Variants in ZSCAN23 observed in about 807,000 individuals in gnomAD.
ZSCAN23 encodes zinc finger and SCAN domain containing 23.
Under a neutral mutation model 19.3 loss-of-function variants are expected in ZSCAN23, and 19 were observed. The ratio of observed to expected loss-of-function variants is 0.99; its 90% CI spans 0.69 to 1.45. The LOEUF (loss-of-function observed/expected upper bound fraction) is 1.45, where lower values mean the gene tolerates loss of function less well. Among genes scored for constraint, ZSCAN23 ranks in the 40% most tolerant of loss-of-function variants. The probability of loss-of-function intolerance (pLI) is 0.00; values close to 1 mark genes in which losing one functional copy is unlikely to be tolerated. For synonymous variants in ZSCAN23, 140 were observed against 166.2 expected (o/e 0.84, Z 1.21); for missense variants, 372 against 462.5 (o/e 0.80, Z 1.79).
chr6:28,430,215 C>T (rs1389927424), downstream of ZSCAN23, among the ~76,000 whole-genome samples: 2 of 152,166 alleles, frequency 1.3e-5, no homozygotes, highest in Non-Finnish European at 2.9e-5. Flanking sequence ...TTCCCTCTAT[C>T]CTCAGGGAGA....
chr6:28,423,477 G>A, the ZSCAN23 span, among the ~76,000 whole-genome samples: 1 of 152,064 alleles, frequency 6.6e-6, no homozygotes, highest in Non-Finnish European at 1.5e-5. Flanking sequence ...CTATACCCAG[G>A]CCTGGAGTTC....
chr6:28,441,047 G>A (rs1761989041), intron 1 of ZSCAN23, among the ~76,000 whole-genome samples: 1 of 152,132 alleles, frequency 6.6e-6, no homozygotes, highest in Non-Finnish European at 1.5e-5. Context: ...AGCATAATAA[G>A]TCTTACCTTA....
intron 1 of ZSCAN23, among the ~76,000 whole-genome samples, chr6:28,438,391 C>T (rs1038990523): frequency 6.6e-6 from 1 of 152,162 alleles, no homozygotes. Context: ...GCCACCGCGC[C>T]CAGCAACCCT....
the ZSCAN23 span, among the ~76,000 whole-genome samples, chr6:28,426,741 C>A: frequency 1.3e-5 from 2 of 152,180 alleles, no homozygotes; most frequent in Non-Finnish European, 2.9e-5. Context: ...AAGCAAAGTG[C>A]AAGTAAAATG....
chr6:28,429,155 T>A (rs1372298359), downstream of ZSCAN23, among the ~76,000 whole-genome samples: 1 of 152,184 alleles, frequency 6.6e-6, no homozygotes, highest in Admixed American at 6.5e-5. Context: ...AGGGAAGTTA[T>A]CTTTAACGTT....
chr6:28,440,009 G>A (rs916487351), intron 1 of ZSCAN23, among the ~76,000 whole-genome samples: 3 of 152,174 alleles, frequency 2.0e-5, no homozygotes, highest in Non-Finnish European at 4.4e-5. Flanking sequence ...GAGAGAGTAA[G>A]GGGAAAGAAA....
At chr6:28,439,385 C>A (rs1201172521) in intron 1 of ZSCAN23, among the ~76,000 whole-genome samples, 1 of 152,146 alleles carries the variant, frequency 6.6e-6, no homozygotes, top group Non-Finnish European at 1.5e-5. Context: ...CCACGCCCAG[C>A]CTTCCTCCAC....
chr6:28,427,845 T>C (rs111262507), downstream of ZSCAN23, among the ~76,000 whole-genome samples: 605 of 152,286 alleles, frequency 4.0e-3, 4 homozygotes, highest in African/African-American at 0.013. Context: ...TTTGGGAGGC[T>C]GAGGCGGGTG....
At chr6:28,435,673 G>A (rs2114034368) in intron 2 of ZSCAN23, 66 bp from the exon 3 acceptor site, 1 of 1,487,188 alleles carries the variant, frequency 6.7e-7, no homozygotes, top group Non-Finnish European at 8.9e-7. Context: ...GGCCTCCTCA[G>A]GGCCGCTGGA....
chr6:28,435,574 CA>C lies in ZSCAN23; in HGVS notation c.441del (p.Phe147LeufsTer2). 6.4e-7 allele frequency: 1 copy of C among 1,551,690 alleles called. No homozygotes were observed. The highest frequency in any genetic ancestry group is 8.7e-7 in the Non-Finnish European group (1 of 1,147,000). ...GCTCCTGGAGTTGCCTTCTCCTTTA[CA>C]AACTCTTCCTGTTCATGAGCATGGC... is the stretch of plus-strand genomic sequence containing the variant. ...VLSHAHEQEE[F>X]VKEKATPGAA... On this transcript the variant is annotated frameshift_variant, in exon 3 of 4. Transcript: ENST00000289788. LOFTEE classifies it high-confidence loss of function.
intron 1 of ZSCAN23, among the ~76,000 whole-genome samples, chr6:28,439,325 G>C (rs1761957386): frequency 6.6e-6 from 1 of 152,008 alleles, no homozygotes; most frequent in Admixed American, 6.6e-5. Flanking sequence ...CTGACCTCGT[G>C]ATCTGCCTGC....
rs180933127 is a variant in ZSCAN23, at chr6:28,435,765, A to C, written c.408+94T>G. 570 of 1,168,666 alleles carry C rather than the reference A, an allele frequency of 4.9e-4. 1 individual carries two copies. The highest frequency in any genetic ancestry group is 3.2e-3 in the South Asian group (166 of 51,732). 72.4% of individuals were successfully genotyped at this position (1,168,666 alleles called of 1,614,324 possible). A position where few individuals can be genotyped will look rare whatever the true frequency, so the allele number is the denominator to read the frequency against. On this transcript the variant is annotated intron_variant, in intron 2 of 3. Transcript: ENST00000289788. ...GCCTACAGAAGATCAAGTCTGGCATAAAAAAAAAATCCTCCTCCTCTACCT... is the reference window on the plus strand; with the variant it reads ...GCCTACAGAAGATCAAGTCTGGCATCAAAAAAAAATCCTCCTCCTCTACCT...
intron 1 of ZSCAN23, 68 bp downstream of exon 1, chr6:28,443,331 G>C (rs527672808): frequency 1.3e-5 from 2 of 152,766 alleles, no homozygotes; most frequent in African/African-American, 2.4e-5. Flanking sequence ...CCCACACCCA[G>C]TCCAGGTCGC....
rs1761823985 is a variant in ZSCAN23, at chr6:28,434,370, A to G, written c.*95T>C. 7.3e-7 allele frequency: 1 copy of G among 1,375,868 alleles called. No individual in the cohort carries two copies. Among genetic ancestry groups the G allele is most frequent in the Admixed American group, 2.9e-5 (1 of 35,078 alleles). The allele number at this position is 1,375,868 out of a possible 1,614,324, so 85.2% of individuals were successfully genotyped here. ...TTATGCTTCTCTCTGCATAAAAGTA[A>G]GGGAATTTTTACTGGCTTTCCCTTG... is the stretch of plus-strand genomic sequence containing the variant. On this transcript the variant is annotated 3_prime_UTR_variant, in exon 4 of 4. Transcript: ENST00000289788.
chr6:28,441,639 T>A (rs1398484023), intron 1 of ZSCAN23, among the ~76,000 whole-genome samples: 2 of 152,062 alleles, frequency 1.3e-5, no homozygotes, highest in African/African-American at 4.8e-5. Context: ...CTTCAGAACC[T>A]TTTTTAAATC....
chr6:28,442,002 G>A (rs1337554736), intron 1 of ZSCAN23, among the ~76,000 whole-genome samples: 1 of 150,618 alleles, frequency 6.6e-6, no homozygotes, highest in Non-Finnish European at 1.5e-5. Context: ...CTCAGCTTCC[G>A]GAGTAGCTGG....
chr6:28,424,592 C>A, the ZSCAN23 span, among the ~76,000 whole-genome samples: 3 of 152,200 alleles, frequency 2.0e-5, no homozygotes, highest in Admixed American at 6.5e-5. Context: ...ATTCTAAATT[C>A]TTTGCTGTTA....
At chr6:28,437,380 G>A (rs535989943) in intron 1 of ZSCAN23, among the ~76,000 whole-genome samples, 2 of 152,222 alleles carry the variant, frequency 1.3e-5, no homozygotes, top group African/African-American at 2.4e-5. Flanking sequence ...TCAGGAGTTC[G>A]AGAATAGCCT....
intron 1 of ZSCAN23, among the ~76,000 whole-genome samples, chr6:28,437,695 C>T (rs1449130589): frequency 2.0e-5 from 3 of 152,168 alleles, no homozygotes; most frequent in Non-Finnish European, 4.4e-5. Flanking sequence ...GATTTCTAAG[C>T]ACCATCTTCG....
Sources: gnomAD v4.1 joint callset for allele counts (sites outside exome capture counted in the v4.1 genomes callset) on GRCh38, gnomAD v4.1.1 for gene constraint, MANE v1.5 for transcripts, NCBI Gene and HGNC (gene_info 2026-07-23, HGNC 2026-07-21) for gene names.